The following ETF1 variants were observed in gnomAD, a reference collection of about 807,000 sequenced individuals.
The protein encoded by ETF1 is eukaryotic peptide chain release factor subunit 1.
In ETF1, 4 loss-of-function variants were observed where a neutral mutation model predicts 55.1. The ratio of observed to expected loss-of-function variants is 0.07; its 90% confidence interval spans 0.04 to 0.17. The LOEUF (loss-of-function observed/expected upper bound fraction) is 0.17. Among genes scored for constraint, ETF1 ranks in the 10% least tolerant of loss-of-function variants. ETF1 has a pLI of 1.00. For synonymous variants in ETF1, 157 were observed against 182.3 expected, an observed-to-expected ratio of 0.86 and a Z score of 1.12; for missense variants, 142 against 523.6, an observed-to-expected ratio of 0.27 and a Z score of 7.11.
chr5:138,531,258 C>T (rs1285125613), intron 2 of ETF1, among the ~76,000 whole-genome samples: 3 of 152,166 alleles, frequency 2.0e-5, no homozygotes, highest in African/African-American at 7.2e-5. Flanking sequence ...AGTGGGCCAT[C>T]TCTCTTTTGT....
At chr5:138,529,601 TCTTCTTGTTCTCATTGGTTTTAGGGGCA>T (rs1248294998) in intron 2 of ETF1, 1 of 985,316 alleles carries the variant, frequency 1.0e-6, no homozygotes, top group African/African-American at 1.7e-5. Context: ...ACTCAGATTC[TCTTCTTGTTCTCATTGGTTTTAGGGGCA>T]CTTTGGCTTA....
At chr5:138,524,818 C>T (rs912626938) in intron 2 of ETF1, among the ~76,000 whole-genome samples, 5 of 151,930 alleles carry the variant, frequency 3.3e-5, no homozygotes, top group South Asian at 2.1e-4. Context: ...CTTCATGATC[C>T]GCCCGCCTTG....
chr5:138,518,831 G>A lies in ETF1; in HGVS notation c.123C>T (p.Pro41=). Residue 41 remains proline, a synonymous_variant, in exon 3 of 11, where the codon CCC becomes CCT. Transcript: ENST00000360541. ...TTGCCACTCGTGAAATCTGGTCTTT[G>A]GGAGGAATGATCAATGATATCATGC... ...GTSMISLIIP[P]KDQISRVAKM... is the part of the protein sequence containing the mutation. The A allele has an allele frequency of 2.5e-6, 4 of 1,614,118 alleles. No homozygotes were observed. Among genetic ancestry groups the A allele is most frequent in the Non-Finnish European group, 3.4e-6 (4 of 1,179,970 alleles).
At chr5:138,541,483 C>G (rs746505788) in intron 2 of ETF1, 45 of 1,429,210 alleles carry the variant, frequency 3.1e-5, no homozygotes, top group Non-Finnish European at 1.6e-5. Context: ...AGAACTGTCC[C>G]TAATTTATTA....
At chr5:138,513,837 C>G in intron 4 of ETF1, 131 bp from the exon 5 acceptor site, 4 of 1,148,320 alleles carry the variant, frequency 3.5e-6, no homozygotes, top group Non-Finnish European at 1.1e-6. Context: ...AAACCTTCTA[C>G]GGAATAATTT....
chr5:138,526,623 G>A (rs1453490076), intron 2 of ETF1, among the ~76,000 whole-genome samples: 2 of 151,980 alleles, frequency 1.3e-5, no homozygotes, highest in South Asian at 2.1e-4. Flanking sequence ...TGCAACCTCC[G>A]CCTCCCAGGT....
chr5:138,535,612 T>G (rs1372041560), intron 2 of ETF1, among the ~76,000 whole-genome samples: 8 of 150,348 alleles, frequency 5.3e-5, no homozygotes. Flanking sequence ...TCTCAGATAC[T>G]TGGGAGGCTG....
chr5:138,526,469 T>C (rs941601915), intron 2 of ETF1, among the ~76,000 whole-genome samples: 12 of 152,210 alleles, frequency 7.9e-5, no homozygotes, highest in African/African-American at 2.4e-4. Context: ...ACAGGACCTC[T>C]TGCCCTGGAA....
At chr5:138,526,435 T>C (rs956162627) in intron 2 of ETF1, among the ~76,000 whole-genome samples, 2 of 152,174 alleles carry the variant, frequency 1.3e-5, no homozygotes, top group African/African-American at 4.8e-5. Flanking sequence ...TCTTCGGTAT[T>C]TGCATTGGGA....
chr5:138,524,019 A>G (rs1765348649), intron 2 of ETF1, among the ~76,000 whole-genome samples: 1 of 152,062 alleles, frequency 6.6e-6, no homozygotes, highest in African/African-American at 2.4e-5. Flanking sequence ...TCTACTAAAA[A>G]TACAAAAAGT....
At position 138,508,992 on chromosome 5, in the gene ETF1, G is replaced by T. The variant is rs979456753; in HGVS notation, c.1084-176C>A. On this transcript the variant is annotated intron_variant, in intron 9 of 10. Coordinates refer to ENST00000360541, the MANE Select transcript of ETF1 (RefSeq NM_004730.4). ...TGATAACCTAATGGATATCAGCAGA[G>T]AAATTCGGATTATTTCAAACAACAC... 10 of 982,406 alleles carry T rather than the reference G, an allele frequency of 1.0e-5. No individual in the cohort carries two copies. In the African/African-American group the frequency reaches 1.7e-4, roughly 17 times the overall value. 60.9% of individuals were successfully genotyped at this position (982,406 alleles called of 1,614,324 possible). A position where few individuals can be genotyped will look rare whatever the true frequency, so the allele number is the denominator to read the frequency against.
At chr5:138,513,160 A>G (rs886783819) in intron 5 of ETF1, 7 of 985,190 alleles carry the variant, frequency 7.1e-6, no homozygotes, top group Admixed American at 6.2e-5. Context: ...GTAAGTACCA[A>G]TGAGGCACCA....
chr5:138,519,925 G>A (rs1379669790), intron 2 of ETF1, among the ~76,000 whole-genome samples: 1 of 150,248 alleles, frequency 6.7e-6, no homozygotes, highest in Non-Finnish European at 1.5e-5. Context: ...GGATTTCTCT[G>A]ATTAATGATG....
At chr5:138,532,208 G>A (rs1398925819) in intron 2 of ETF1, among the ~76,000 whole-genome samples, 1 of 152,024 alleles carries the variant, frequency 6.6e-6, no homozygotes. Context: ...TTCACTGTGT[G>A]TTTTCCATTT....
At chr5:138,540,479 A>C (rs986100502) in intron 2 of ETF1, among the ~76,000 whole-genome samples, 1 of 152,202 alleles carries the variant, frequency 6.6e-6, no homozygotes, top group Non-Finnish European at 1.5e-5. Context: ...ATCTATGAAA[A>C]TCTAGAGTCT....
At chr5:138,519,736 T>C (rs1348735409) in intron 2 of ETF1, among the ~76,000 whole-genome samples, 1 of 151,844 alleles carries the variant, frequency 6.6e-6, no homozygotes, top group Non-Finnish European at 1.5e-5. Context: ...TGCATTTGAG[T>C]TTGATTAAAA....
intron 2 of ETF1, chr5:138,541,441 G>A (rs1465876401): frequency 1.4e-5 from 14 of 1,029,588 alleles, no homozygotes; most frequent in Non-Finnish European, 1.6e-5. Context: ...GTCACTGAAT[G>A]GGGCCAAACT....
At position 138,511,595 on chromosome 5, in the gene ETF1, A is replaced by T; in HGVS notation, c.742T>A (p.Ser248Thr). 1 of 1,608,040 alleles carries T rather than the reference A, an allele frequency of 6.2e-7. No individual in the cohort carries two copies. Among genetic ancestry groups the T allele is most frequent in the Non-Finnish European group, 8.5e-7 (1 of 1,177,454 alleles). The change falls in exon 7 of 11, where the codon TCA becomes ACA. Residue 248 changes from serine to threonine, a missense_variant. Ser to Thr is a moderately conservative substitution (Grantham distance 58, BLOSUM62 1). Around this residue, in one of 5 missense-constraint regions of ETF1, gnomAD observed 82 missense variants for 232.9 expected, o/e 0.35. Transcript: ENST00000360541. Reference protein sequence around the residue: ...QSDMFDQRLQSKVLKLVDISY... With the variant: ...QSDMFDQRLQTKVLKLVDISY... Reference sequence around the variant, plus strand: ...ATATCAACTAATTTTAAAACTTTTGATTGTAACCTCTAACACACAAAAAAA... The same window carrying T: ...ATATCAACTAATTTTAAAACTTTTGTTTGTAACCTCTAACACACAAAAAAA...
chr5:138,520,738 C>G (rs922318732), intron 2 of ETF1, among the ~76,000 whole-genome samples: 1 of 152,198 alleles, frequency 6.6e-6, no homozygotes, highest in East Asian at 1.9e-4. Context: ...GAATATCACT[C>G]AAGCCCAGGA....
Sources: allele counts gnomAD v4.1 joint callset (sites outside exome capture counted in the v4.1 genomes callset), GRCh38; gene constraint gnomAD v4.1.1; regional missense constraint gnomAD v4.1.1; transcripts MANE v1.5; gene names NCBI Gene and HGNC (gene_info 2026-07-23, HGNC 2026-07-21).